Variants in ANKRD28 observed in about 807,000 individuals in gnomAD.
ANKRD28 encodes the protein ankyrin repeat domain 28, also known as serine/threonine-protein phosphatase 6 regulatory ankyrin repeat subunit A.
Under a neutral mutation model 126.5 loss-of-function variants are expected in ANKRD28, and 44 were observed. The ratio of observed to expected loss-of-function variants is 0.35; its 90% CI spans 0.27 to 0.45. ANKRD28 has a LOEUF of 0.45. ANKRD28 is among the 20% of genes least tolerant of loss of function. The pLI is 1.00. For synonymous variants in ANKRD28, 442 were observed against 468.5 expected (o/e 0.94, Z 0.73); for missense variants, 1,110 against 1,316.6 (o/e 0.84, Z 2.43).
At chr3:15,820,937 A>G (rs1013376874) in intron 1 of ANKRD28, among the ~76,000 whole-genome samples, 2 of 152,164 alleles carry the variant, frequency 1.3e-5, no homozygotes, top group Non-Finnish European at 2.9e-5. Flanking sequence ...AGCAATACAT[A>G]TATGAACCAA....
intron 2 of ANKRD28, among the ~76,000 whole-genome samples, chr3:15,772,549 T>G (rs57429044): frequency 0.041 from 6,221 of 152,280 alleles, 412 homozygotes; most frequent in African/African-American, 0.14. Context: ...TGGAGTTTAT[T>G]CTGGGATCAC....
intron 2 of ANKRD28, among the ~76,000 whole-genome samples, chr3:15,777,090 G>C (rs1331803020): frequency 6.6e-6 from 1 of 151,856 alleles, no homozygotes; most frequent in African/African-American, 2.4e-5. Context: ...CCTGGTTAAC[G>C]TGGTGAAACC....
At chr3:15,731,848 C>CAAAAAAAAAAA (rs397934004) in intron 6 of ANKRD28, 6 of 4,524 alleles carry the variant, frequency 1.3e-3, no homozygotes, top group African/African-American at 3.8e-3. Context: ...GAAACTGTCT[C>CAAAAAAAAAAA]AAAAAAAAAA....
At chr3:15,710,036 G>GTTTTT (rs34686530) in intron 12 of ANKRD28, among the ~76,000 whole-genome samples, 2 of 146,336 alleles carry the variant, frequency 1.4e-5, no homozygotes. Flanking sequence ...TTGCTTATAG[G>GTTTTT]TTTTTTTTTT....
At chr3:15,784,962 GA>G (rs2059708519) in intron 2 of ANKRD28, among the ~76,000 whole-genome samples, 1 of 152,068 alleles carries the variant, frequency 6.6e-6, no homozygotes, top group African/African-American at 2.4e-5. Context: ...GAAAGACTCA[GA>G]GGGGTAAATT....
At chr3:15,763,688 C>T (rs1049553780) in intron 3 of ANKRD28, among the ~76,000 whole-genome samples, 6 of 151,888 alleles carry the variant, frequency 4.0e-5, no homozygotes, top group East Asian at 1.9e-4. Context: ...AACAGCAGTG[C>T]GAAGAACCAG....
chr3:15,847,624 AGTTACT>A (rs1378607877), intron 1 of ANKRD28, among the ~76,000 whole-genome samples: 1 of 152,200 alleles, frequency 6.6e-6, no homozygotes, highest in Non-Finnish European at 1.5e-5. Flanking sequence ...AATCCCCAGG[AGTTACT>A]GAAGAGTCAT....
intron 4 of ANKRD28, among the ~76,000 whole-genome samples, chr3:15,742,902 A>G (rs1009888928): frequency 2.1e-4 from 31 of 150,116 alleles, no homozygotes; most frequent in African/African-American, 7.6e-4. Flanking sequence ...AGAACGGGCC[A>G]TGATGACAAT....
At chr3:15,742,371 G>C (rs1349636217) in intron 4 of ANKRD28, among the ~76,000 whole-genome samples, 1 of 148,492 alleles carries the variant, frequency 6.7e-6, no homozygotes, top group East Asian at 2.1e-4. Flanking sequence ...GAGATGTGGG[G>C]AGCGCCTCTG....
intron 1 of ANKRD28, among the ~76,000 whole-genome samples, chr3:15,805,453 A>G (rs1242838889): frequency 6.6e-6 from 1 of 152,184 alleles, no homozygotes; most frequent in African/African-American, 2.4e-5. Flanking sequence ...TAAAATTTTT[A>G]GCTAAGATAT....
intron 27 of ANKRD28, among the ~76,000 whole-genome samples, chr3:15,672,198 T>G (rs992533297): frequency 6.7e-6 from 1 of 148,740 alleles, no homozygotes; most frequent in Non-Finnish European, 1.5e-5. Context: ...CAGGCTGGAG[T>G]GCAGTATAAT....
At chr3:15,764,431 C>A (rs1453227968) in intron 3 of ANKRD28, among the ~76,000 whole-genome samples, 7 of 151,868 alleles carry the variant, frequency 4.6e-5, no homozygotes, top group African/African-American at 1.7e-4. Flanking sequence ...GGAAGTCAAC[C>A]TTCTACAAGT....
chr3:15,687,379 G>A (rs768959191), intron 18 of ANKRD28, among the ~76,000 whole-genome samples: 1 of 151,926 alleles, frequency 6.6e-6, no homozygotes, highest in East Asian at 1.9e-4. Flanking sequence ...TCCATCTAAA[G>A]AATGCATGTG....
intron 3 of ANKRD28, among the ~76,000 whole-genome samples, chr3:15,755,662 T>C (rs780515215): frequency 1.3e-5 from 2 of 152,144 alleles, no homozygotes; most frequent in Non-Finnish European, 2.9e-5. Context: ...GGAGAAACCA[T>C]ACCCACTTAA....
At chr3:15,718,818 T>C (rs1323307209) in intron 8 of ANKRD28, among the ~76,000 whole-genome samples, 1 of 152,244 alleles carries the variant, frequency 6.6e-6, no homozygotes. Flanking sequence ...TTGTGACGTT[T>C]GCTTTTGAAA....
intron 1 of ANKRD28, among the ~76,000 whole-genome samples, chr3:15,820,758 C>T (rs2060926407): frequency 6.6e-6 from 1 of 152,056 alleles, no homozygotes; most frequent in Non-Finnish European, 1.5e-5. Context: ...AAATTATTAA[C>T]ATTAAAGAAA....
chr3:15,852,711 T>C (rs1047939500), intron 1 of ANKRD28, among the ~76,000 whole-genome samples: 1 of 151,280 alleles, frequency 6.6e-6, no homozygotes, highest in Admixed American at 6.6e-5. Context: ...CGGGTGCCTG[T>C]AATCCCAGCT....
chr3:15,817,972 G>A lies in ANKRD28; in HGVS notation c.28-22666C>T, dbSNP rs2125903398. Among the ~76,000 whole-genome samples, 1 of 151,902 alleles carries A rather than the reference G, an allele frequency of 6.6e-6. No individual in the cohort carries two copies. The highest frequency in any genetic ancestry group is 1.9e-4 in the East Asian group (1 of 5,178). On this transcript the variant is annotated intron_variant, in intron 1 of 27. Coordinates refer to the ANKRD28 transcript ENST00000399451. The surrounding 1 kb of genome is among the most constrained non-coding windows in gnomAD (Gnocchi z 4.5). ...TTCTACATACTACCAATGAACAACT[G>A]GAAATCAAAACAAAAAGCAGTACCA...
chr3:15,859,501 G>T, exon 1 of ANKRD28: 2 of 1,195,182 alleles, frequency 1.7e-6, no homozygotes, highest in Non-Finnish European at 2.3e-6. Flanking sequence ...AGCCTTGGCC[G>T]CTGCCCGGGA....
Sources: gnomAD v4.1 joint callset for allele counts (sites outside exome capture counted in the v4.1 genomes callset) on GRCh38, gnomAD v4.1.1 for gene constraint, Gnocchi (gnomAD v3.1) non-coding constraint, MANE v1.5 for transcripts, NCBI Gene and HGNC (gene_info 2026-07-23, HGNC 2026-07-21) for gene names.